The following NOL4 variants were observed in gnomAD, a reference collection of about 807,000 sequenced individuals.
NOL4 encodes the protein nucleolar protein 4.
In NOL4, 17 loss-of-function variants were observed where a neutral mutation model predicts 75.9. The observed-to-expected ratio is 0.22, with a 90% CI of 0.15 to 0.34. The LOEUF (loss-of-function observed/expected upper bound fraction) is 0.34, where lower values mean the gene tolerates loss of function less well. NOL4 is among the 10% of genes least tolerant of loss of function. The probability of loss-of-function intolerance (pLI) is 1.00; values close to 1 mark genes in which losing one functional copy is unlikely to be tolerated. For synonymous variants in NOL4, 292 were observed against 289.9 expected, an observed-to-expected ratio of 1.01 and a Z score of -0.07; for missense variants, 614 against 793.5, an observed-to-expected ratio of 0.77 and a Z score of 2.72.
chr18:34,217,492 G>T (rs2036983378), intron 1 of NOL4, among the ~76,000 whole-genome samples: 1 of 151,890 alleles, frequency 6.6e-6, no homozygotes, highest in African/African-American at 2.4e-5. Flanking sequence ...TCACTGTGTT[G>T]CCCAGGCTGG....
intron 9 of NOL4, among the ~76,000 whole-genome samples, chr18:33,911,103 C>G (rs1286177949): frequency 1.3e-5 from 2 of 151,988 alleles, no homozygotes; most frequent in African/African-American, 4.8e-5. Context: ...TGTTGGTTGA[C>G]ATATTTGGCT....
At chr18:34,094,870 T>C (rs1394008467) in intron 4 of NOL4, among the ~76,000 whole-genome samples, 1 of 152,182 alleles carries the variant, frequency 6.6e-6, no homozygotes. Flanking sequence ...CCTGCTATTA[T>C]ATACTAGAAC....
intron 1 of NOL4, among the ~76,000 whole-genome samples, chr18:34,141,910 G>T (rs1363030777): frequency 6.6e-6 from 1 of 151,518 alleles, no homozygotes; most frequent in Non-Finnish European, 1.5e-5. Context: ...TACAGAATGG[G>T]AAAATTTTTT....
chr18:34,162,573 C>A (rs375366616), intron 1 of NOL4, among the ~76,000 whole-genome samples: 5 of 152,184 alleles, frequency 3.3e-5, no homozygotes, highest in South Asian at 2.1e-4. Context: ...CAATAACAGG[C>A]TCTGAAATTG....
intron 5 of NOL4, among the ~76,000 whole-genome samples, chr18:34,076,163 T>C (rs559924972): frequency 5.3e-5 from 8 of 152,144 alleles, no homozygotes; most frequent in Non-Finnish European, 1.2e-4. Flanking sequence ...GTGCTTCCTC[T>C]GGTCAGATGA....
At chr18:34,039,993 C>A (rs2076071581) in intron 5 of NOL4, among the ~76,000 whole-genome samples, 3 of 151,924 alleles carry the variant, frequency 2.0e-5, no homozygotes, top group Admixed American at 6.6e-5. Flanking sequence ...TTCTGAGCAT[C>A]TTTAAAGTAG....
intron 5 of NOL4, among the ~76,000 whole-genome samples, chr18:34,054,722 G>A (rs1203435474): frequency 6.6e-6 from 1 of 151,636 alleles, no homozygotes; most frequent in Non-Finnish European, 1.5e-5. Context: ...CTGATTTAGG[G>A]AAGGAGATAC....
intron 1 of NOL4, among the ~76,000 whole-genome samples, chr18:34,216,835 G>A (rs1485369461): frequency 6.6e-6 from 1 of 151,708 alleles, no homozygotes; most frequent in Non-Finnish European, 1.5e-5. Flanking sequence ...TTAACTTCAG[G>A]AATAAATATC....
intron 1 of NOL4, among the ~76,000 whole-genome samples, chr18:34,147,713 G>C (rs1163435230): frequency 3.9e-5 from 6 of 152,080 alleles, no homozygotes; most frequent in Admixed American, 3.9e-4. Flanking sequence ...TTTGGTATCA[G>C]GATGATGCTG....
At chr18:34,123,810 G>T (rs2080265838) in intron 2 of NOL4, among the ~76,000 whole-genome samples, 1 of 150,580 alleles carries the variant, frequency 6.6e-6, no homozygotes, top group African/African-American at 2.4e-5. Flanking sequence ...TATTTATATA[G>T]AGAGACATAA....
chr18:33,917,661 AT>A (rs201413388), intron 9 of NOL4, among the ~76,000 whole-genome samples: 8 of 149,434 alleles, frequency 5.4e-5, no homozygotes, highest in South Asian at 2.1e-4. Context: ...CACCTAGTTA[AT>A]TTTTTTTTTA....
At chr18:34,009,049 A>G (rs977988538) in intron 6 of NOL4, among the ~76,000 whole-genome samples, 5 of 151,998 alleles carry the variant, frequency 3.3e-5, no homozygotes, top group Admixed American at 2.6e-4. Context: ...CTTCCCCTCC[A>G]GAAGTTCAGA....
chr18:33,858,660 G>C (rs2062945431), intron 10 of NOL4, among the ~76,000 whole-genome samples: 1 of 152,018 alleles, frequency 6.6e-6, no homozygotes, highest in African/African-American at 2.4e-5. Flanking sequence ...TTTGATGATA[G>C]AATTTTAGTA....
chr18:33,936,316 C>T (rs1274245666), intron 9 of NOL4, among the ~76,000 whole-genome samples: 3 of 150,130 alleles, frequency 2.0e-5, no homozygotes. Flanking sequence ...TTCACCACTA[C>T]TAAGGGAAAA....
At chr18:33,905,885 C>T (rs773411470) in intron 9 of NOL4, among the ~76,000 whole-genome samples, 10 of 152,286 alleles carry the variant, frequency 6.6e-5, no homozygotes, top group Non-Finnish European at 1.5e-4. Flanking sequence ...CCCATCCAAC[C>T]AGTAGTACCC....
chr18:33,862,071 G>A (rs888008312), intron 10 of NOL4, among the ~76,000 whole-genome samples: 9 of 152,022 alleles, frequency 5.9e-5, no homozygotes, highest in Admixed American at 1.3e-4. Context: ...CCAAAACAGA[G>A]ATATAGATCA....
chr18:33,996,586 T>C (rs2073302257), intron 6 of NOL4, among the ~76,000 whole-genome samples: 1 of 151,808 alleles, frequency 6.6e-6, no homozygotes, highest in Non-Finnish European at 1.5e-5. Flanking sequence ...CATCTGGTAT[T>C]TCCCAGGATC....
At chr18:34,059,666 G>A (rs2076990139) in intron 5 of NOL4, among the ~76,000 whole-genome samples, 1 of 152,084 alleles carries the variant, frequency 6.6e-6, no homozygotes, top group Non-Finnish European at 1.5e-5. Flanking sequence ...GAGTGGTCTG[G>A]TCTGGGACTC....
chr18:34,085,416 C>A (rs959668399), intron 5 of NOL4, among the ~76,000 whole-genome samples: 4 of 152,098 alleles, frequency 2.6e-5, no homozygotes, highest in African/African-American at 9.7e-5. Context: ...AAACAAAGAA[C>A]TAACCCAGCA....
Sources: allele counts gnomAD v4.1 joint callset (sites outside exome capture counted in the v4.1 genomes callset), GRCh38; gene constraint gnomAD v4.1.1; transcripts MANE v1.5; gene names NCBI Gene and HGNC (gene_info 2026-07-23, HGNC 2026-07-21).